The following CCSER1 variants were observed in gnomAD, a reference collection of about 807,000 sequenced individuals.
CCSER1 encodes the protein coiled-coil serine rich protein 1, also known as serine-rich coiled-coil domain-containing protein 1.
A neutral mutation model predicts 82.0 loss-of-function variants in CCSER1; 41 were observed. The ratio of observed to expected loss-of-function variants is 0.50; its 90% CI spans 0.39 to 0.65. The LOEUF (loss-of-function observed/expected upper bound fraction) is 0.65. Among genes scored for constraint, CCSER1 ranks in the 30% least tolerant of loss-of-function variants. CCSER1 has a pLI of 0.00. For synonymous variants in CCSER1, 414 were observed against 383.9 expected, an observed-to-expected ratio of 1.08 and a Z score of -0.92; for missense variants, 1,119 against 1,064.2, an observed-to-expected ratio of 1.05 and a Z score of -0.72.
At chr4:90,841,597 A>AT (rs1239914927) in intron 8 of CCSER1, among the ~76,000 whole-genome samples, 5 of 150,158 alleles carry the variant, frequency 3.3e-5, no homozygotes, top group Non-Finnish European at 7.4e-5. Context: ...AAAAAAAAAA[A>AT]AGAAGAAGAA....
In CCSER1 at chr4:91,594,346, CAT is replaced by C. The variant is rs575842502; in HGVS notation, c.2218-4218_2218-4217del. ...ACATATATGTACACACATATATATA[CAT>C]ATATATACACATATATATACACATA... is the stretch of plus-strand genomic sequence containing the variant. On this transcript the variant is annotated intron_variant, in intron 10 of 10. Transcript: ENST00000509176. Among the ~76,000 whole-genome samples the C allele has an allele frequency of 2.1e-3, 297 of 144,096 alleles. 2 individuals are homozygous for C. The highest frequency in any genetic ancestry group is 1.4e-3 in the African/African-American group (53 of 38,964). The allele number at this position is 144,096 out of a possible 152,430, so 94.5% of individuals were successfully genotyped here. A position where few individuals can be genotyped will look rare whatever the true frequency, so the allele number is the denominator to read the frequency against.
chr4:91,224,084 C>T (rs1581798533), intron 10 of CCSER1, among the ~76,000 whole-genome samples: 1 of 149,698 alleles, frequency 6.7e-6, no homozygotes. Context: ...AGAAATAGTG[C>T]GGTGACTGAG....
At chr4:91,508,244 T>C (rs958750401) in intron 10 of CCSER1, among the ~76,000 whole-genome samples, 1 of 150,350 alleles carries the variant, frequency 6.7e-6, no homozygotes, top group African/African-American at 2.4e-5. Context: ...GTTTTTTCAT[T>C]GATCTTCACA....
intron 9 of CCSER1, among the ~76,000 whole-genome samples, chr4:91,062,761 A>G (rs957968208): frequency 2.0e-5 from 3 of 152,102 alleles, no homozygotes; most frequent in Non-Finnish European, 4.4e-5. Context: ...GGAGATCTCT[A>G]TCTTCAATAA....
At chr4:91,310,477 CAAG>C (rs1745391829) in intron 10 of CCSER1, among the ~76,000 whole-genome samples, 1 of 151,360 alleles carries the variant, frequency 6.6e-6, no homozygotes, top group African/African-American at 2.4e-5. Flanking sequence ...TTGTCTTTGT[CAAG>C]AAGAAGACAA....
intron 9 of CCSER1, among the ~76,000 whole-genome samples, chr4:91,033,081 TA>T (rs1741127121): frequency 6.6e-6 from 1 of 152,014 alleles, no homozygotes; most frequent in South Asian, 2.1e-4. Context: ...TTTAATTAAG[TA>T]AATGAGACAA....
At chr4:91,420,913 A>G (rs1459537074) in intron 10 of CCSER1, among the ~76,000 whole-genome samples, 1 of 152,174 alleles carries the variant, frequency 6.6e-6, no homozygotes, top group Non-Finnish European at 1.5e-5. Context: ...GACAACATGG[A>G]TAAACCTGGA....
intron 10 of CCSER1, among the ~76,000 whole-genome samples, chr4:91,332,940 T>G (rs554423907): frequency 6.6e-6 from 1 of 152,138 alleles, no homozygotes; most frequent in African/African-American, 2.4e-5. Context: ...GTATAAAAGT[T>G]TATTAAATTC....
chr4:91,205,126 A>C (rs73836876), intron 10 of CCSER1, among the ~76,000 whole-genome samples: 3,957 of 151,846 alleles, frequency 0.026, 172 homozygotes, highest in African/African-American at 0.091. Flanking sequence ...ATATTTATTA[A>C]TAATGAAATT....
intron 8 of CCSER1, among the ~76,000 whole-genome samples, chr4:90,900,928 C>T (rs1724544853): frequency 6.6e-6 from 1 of 151,698 alleles, no homozygotes; most frequent in Admixed American, 6.6e-5. Context: ...CTGTCTATCT[C>T]TTGGTCTAGT....
At chr4:90,611,087 T>G (rs1479587988) in intron 5 of CCSER1, among the ~76,000 whole-genome samples, 5 of 132,028 alleles carry the variant, frequency 3.8e-5, no homozygotes, top group East Asian at 2.1e-4. Flanking sequence ...TTTGTAGAGA[T>G]AGAGTTTTAC....
chr4:90,961,407 T>A (rs1734039655), intron 9 of CCSER1, among the ~76,000 whole-genome samples: 1 of 152,158 alleles, frequency 6.6e-6, no homozygotes, highest in African/African-American at 2.4e-5. Flanking sequence ...TGATCCATCT[T>A]TTAGCCTTTA....
At chr4:90,770,954 T>C (rs1391332721) in intron 7 of CCSER1, among the ~76,000 whole-genome samples, 1 of 152,200 alleles carries the variant, frequency 6.6e-6, no homozygotes, top group East Asian at 1.9e-4. Context: ...GAAAAAACAG[T>C]TGTGATTTTT....
intron 9 of CCSER1, among the ~76,000 whole-genome samples, chr4:91,019,961 T>C (rs1299749327): frequency 5.3e-5 from 8 of 152,198 alleles, no homozygotes; most frequent in Non-Finnish European, 8.8e-5. Flanking sequence ...AGAAAGAACG[T>C]ATATACTTTC....
intron 10 of CCSER1, among the ~76,000 whole-genome samples, chr4:91,595,943 T>TAAAAAAAAAAAAAAAAAAAAAAAAAAAAG (rs1170927227): frequency 1.3e-5 from 1 of 78,888 alleles, no homozygotes; most frequent in East Asian, 4.4e-4. Context: ...ACAGAGAACT[T>TAAAAAAAAAAAAAAAAAAAAAAAAAAAAG]AAAAAAAAAA....
chr4:90,482,881 A>G (rs1360180572), intron 5 of CCSER1, among the ~76,000 whole-genome samples: 1 of 152,184 alleles, frequency 6.6e-6, no homozygotes, highest in Non-Finnish European at 1.5e-5. Context: ...GTAGATGTCT[A>G]TTAGGTCTGC....
rs919584923 is a variant in CCSER1 at position 91,261,005 on chromosome 4, C to T, written c.2217+175011C>T. On this transcript the variant is annotated intron_variant, in intron 10 of 10. Transcript: ENST00000509176. ...GTCTCGATCTCCTGACCTGGTGATC[C>T]GCCCTCCTCAGCCTCCCAAAGTGCT... 3.3e-5 allele frequency among the ~76,000 whole-genome samples: 5 copies of T among 152,072 alleles called. 1 individual carries two copies. Among genetic ancestry groups the T allele is most frequent in the South Asian group, 4.1e-4 (2 of 4,824 alleles).
chr4:90,150,531 A>G (rs1297255017), intron 1 of CCSER1, among the ~76,000 whole-genome samples: 4 of 152,276 alleles, frequency 2.6e-5, no homozygotes, highest in South Asian at 4.1e-4. Context: ...TTTTTAAAAA[A>G]GATTATTACC....
intron 3 of CCSER1, among the ~76,000 whole-genome samples, chr4:90,358,831 A>G (rs1191108420): frequency 1.3e-5 from 2 of 152,188 alleles, no homozygotes; most frequent in Non-Finnish European, 2.9e-5. Context: ...GCCAGTTATG[A>G]ATGCTTAATC....
Sources: gnomAD v4.1 joint callset for allele counts (sites outside exome capture counted in the v4.1 genomes callset) on GRCh38, gnomAD v4.1.1 for gene constraint, MANE v1.5 for transcripts, NCBI Gene and HGNC (gene_info 2026-07-23, HGNC 2026-07-21) for gene names.